LRRN1: variants seen among roughly 807,000 people sequenced by gnomAD.
LRRN1 encodes leucine-rich repeat neuronal protein 1.
Under a neutral mutation model 45.8 loss-of-function variants are expected in LRRN1, and 14 were observed. The observed-to-expected ratio is 0.31, with a 90% CI of 0.20 to 0.48. LRRN1 has a LOEUF of 0.48. LRRN1 is among the 20% of genes least tolerant of loss of function. LRRN1 has a pLI of 0.99. For missense variants in LRRN1, 789 were observed against 874.2 expected (o/e 0.90, Z 1.23); for synonymous variants, 359 against 330.1 (o/e 1.09, Z -0.95).
chr3:3,814,639 T>G (rs773356201), intron 1 of LRRN1, among the ~76,000 whole-genome samples: 4 of 152,202 alleles, frequency 2.6e-5, no homozygotes, highest in Non-Finnish European at 5.9e-5. Flanking sequence ...CCCTCATGAA[T>G]GGACTAATGC....
intron 1 of LRRN1, among the ~76,000 whole-genome samples, chr3:3,839,572 T>A (rs1179546715): frequency 6.6e-6 from 1 of 152,166 alleles, no homozygotes; most frequent in African/African-American, 2.4e-5. Context: ...TTTTGGGTGT[T>A]ATAGACAGTA....
intron 1 of LRRN1, among the ~76,000 whole-genome samples, chr3:3,818,677 G>A (rs191380165): frequency 6.6e-6 from 1 of 152,222 alleles, no homozygotes; most frequent in Admixed American, 6.5e-5. Context: ...AAACATGGGA[G>A]GAAAATGATT....
At chr3:3,828,721 CT>C (rs1418800005) in intron 1 of LRRN1, among the ~76,000 whole-genome samples, 1 of 152,068 alleles carries the variant, frequency 6.6e-6, no homozygotes, top group Admixed American at 6.6e-5. Flanking sequence ...GTTAACAATA[CT>C]TAAATGCTGA....
At chr3:3,820,117 A>G (rs1031387047) in intron 1 of LRRN1, among the ~76,000 whole-genome samples, 1 of 152,158 alleles carries the variant, frequency 6.6e-6, no homozygotes, top group African/African-American at 2.4e-5. Flanking sequence ...AACCATGTCT[A>G]CCTTTCTCAC....
intron 1 of LRRN1, among the ~76,000 whole-genome samples, chr3:3,834,939 A>G (rs1422533357): frequency 6.6e-6 from 1 of 152,044 alleles, no homozygotes; most frequent in Non-Finnish European, 1.5e-5. Context: ...CACAGACACA[A>G]CCGGGGTTAA....
chr3:3,812,732 C>G (rs1436775885), intron 1 of LRRN1, among the ~76,000 whole-genome samples: 1 of 149,606 alleles, frequency 6.7e-6, no homozygotes, highest in East Asian at 2.0e-4. Flanking sequence ...TATGCCAAGT[C>G]GGGCACACCA....
rs2106445707 is a variant in LRRN1, at chr3:3,799,455, G to A, written c.-743G>A. On this transcript the variant is annotated 5_prime_UTR_variant, in exon 1 of 2. Coordinates refer to ENST00000319331, the MANE Select transcript of LRRN1 (RefSeq NM_020873.7). The stretch of plus-strand genomic sequence containing the variant: ...GGAGCACAAAGCGGGGCGCACCGCG[G>A]GCGCCGGCAACGAGCCGGTGAACGA... 1 of 152,036 alleles carries A rather than the reference G, an allele frequency of 6.6e-6. No homozygotes were observed. Among genetic ancestry groups the A allele is most frequent in the South Asian group, 2.1e-4 (1 of 4,824 alleles). The allele number at this position is 152,036 out of a possible 1,614,324, so 9.4% of individuals were successfully genotyped here.
At chr3:3,804,973 G>A (rs1402946029) in intron 1 of LRRN1, among the ~76,000 whole-genome samples, 1 of 152,166 alleles carries the variant, frequency 6.6e-6, no homozygotes, top group African/African-American at 2.4e-5. Context: ...GACAATCTTG[G>A]AAACAAAGAT....
Position 3,812,975 on chromosome 3 carries a change from C to T in LRRN1, c.-279+13056C>T, listed in dbSNP as rs142588306. ...CCTTTTTCTCCCTGTACTACACTTT[C>T]CTTTCATTGTAGTGAACCTCTCATT... On this transcript the variant is annotated intron_variant, in intron 1 of 1. Transcript: ENST00000319331. 7.4e-3 allele frequency among the ~76,000 whole-genome samples: 1,124 copies of T among 152,290 alleles called. 11 individuals are homozygous for T. Among genetic ancestry groups the T allele is most frequent in the Admixed American group, 0.012 (178 of 15,294 alleles).
intron 1 of LRRN1, among the ~76,000 whole-genome samples, chr3:3,827,091 C>T (rs976875148): frequency 3.4e-4 from 52 of 152,176 alleles, no homozygotes; most frequent in African/African-American, 8.9e-4. Context: ...TAGCTAACAT[C>T]TACTCGGGGC....
At chr3:3,829,341 G>A (rs185780616) in intron 1 of LRRN1, among the ~76,000 whole-genome samples, 274 of 152,192 alleles carry the variant, frequency 1.8e-3, no homozygotes, top group African/African-American at 6.4e-3. Context: ...TGGTGGCAGC[G>A]TTCCTCCTCC....
At chr3:3,820,610 A>G (rs891473248) in intron 1 of LRRN1, among the ~76,000 whole-genome samples, 1 of 152,166 alleles carries the variant, frequency 6.6e-6, no homozygotes, top group African/African-American at 2.4e-5. Context: ...ATTCTTATGT[A>G]TTTCCTTCTG....
intron 1 of LRRN1, among the ~76,000 whole-genome samples, chr3:3,840,781 G>A (rs1483922401): frequency 6.6e-6 from 1 of 152,082 alleles, no homozygotes; most frequent in Non-Finnish European, 1.5e-5. Flanking sequence ...TTAGTTGCTT[G>A]AAAAAGGTAT....
At chr3:3,823,731 G>C (rs1559293680) in intron 1 of LRRN1, among the ~76,000 whole-genome samples, 1 of 152,118 alleles carries the variant, frequency 6.6e-6, no homozygotes. Context: ...ACCAGGATAT[G>C]GACCCAGCTC....
intron 1 of LRRN1, among the ~76,000 whole-genome samples, chr3:3,834,820 C>T (rs1340824791): frequency 6.6e-6 from 1 of 151,462 alleles, no homozygotes; most frequent in Non-Finnish European, 1.5e-5. Context: ...TGTTTTTCTG[C>T]CTGCTTTATA....
rs1379280938 is a variant in LRRN1 at position 3,816,087 on chromosome 3, AATT to A, written c.-279+16172_-279+16174del. ...AAGGACAATATGGATATTCAACTAA[AATT>A]ATTCTTTTTACTTTTAATAATGAAC... On this transcript the variant is annotated intron_variant, in intron 1 of 1. Transcript: ENST00000319331. This position sits in a 1 kb window ranked among gnomAD's most constrained non-coding sequence, Gnocchi z 4.0. 7.2e-6 allele frequency among the ~76,000 whole-genome samples: 1 copy of A among 138,162 alleles called. No individual in the cohort carries two copies. Among genetic ancestry groups the A allele is most frequent in the East Asian group, 1.9e-4 (1 of 5,198 alleles). 90.6% of individuals were successfully genotyped at this position (138,162 alleles called of 152,430 possible).
At chr3:3,806,598 CAG>C (rs1012297342) in intron 1 of LRRN1, among the ~76,000 whole-genome samples, 5 of 152,244 alleles carry the variant, frequency 3.3e-5, no homozygotes, top group East Asian at 3.9e-4. Context: ...AGGCTGGAAA[CAG>C]AGAGAAAGTC....
At chr3:3,826,911 T>A (rs892962348) in intron 1 of LRRN1, among the ~76,000 whole-genome samples, 4 of 152,140 alleles carry the variant, frequency 2.6e-5, no homozygotes, top group Non-Finnish European at 5.9e-5. Context: ...ATTTCTCTCT[T>A]TGACCCCCCT....
At chr3:3,835,336 T>C (rs2106466467) in intron 1 of LRRN1, among the ~76,000 whole-genome samples, 1 of 152,346 alleles carries the variant, frequency 6.6e-6, no homozygotes, top group African/African-American at 2.4e-5. Flanking sequence ...TCTCATGTAA[T>C]TGAACACTGC....
Sources: allele counts gnomAD v4.1 joint callset (sites outside exome capture counted in the v4.1 genomes callset), GRCh38; gene constraint gnomAD v4.1.1; non-coding constraint Gnocchi (gnomAD v3.1); transcripts MANE v1.5; gene names NCBI Gene and HGNC (gene_info 2026-07-23, HGNC 2026-07-21).